Variants in RANBP9 observed in about 807,000 individuals in gnomAD.
RANBP9 encodes RAN binding protein 9.
RANBP9 carries 15 observed loss-of-function variants against 84.3 expected under a neutral mutation model. The ratio of observed to expected loss-of-function variants is 0.18; its 90% CI spans 0.12 to 0.27. RANBP9 has a LOEUF of 0.27. RANBP9 is among the 10% of genes least tolerant of loss of function. RANBP9 has a pLI of 1.00. For synonymous variants in RANBP9, 392 were observed against 349.6 expected (o/e 1.12, Z -1.35); for missense variants, 809 against 912.8 (o/e 0.89, Z 1.46).
Position 13,686,107 on chromosome 6 carries a change from C to G in RANBP9, c.683+10678G>C, listed in dbSNP as rs1361992975. On this transcript the variant is annotated intron_variant, in intron 2 of 13. Coordinates refer to ENST00000011619, the MANE Select transcript of RANBP9 (RefSeq NM_005493.3). Reference sequence around the variant, plus strand: ...TGAATTTCCAAAATTTCTTCCCCCCCCCCCCCCCGCCCCCCGAAATAGAGT... The same window carrying G: ...TGAATTTCCAAAATTTCTTCCCCCCGCCCCCCCCGCCCCCCGAAATAGAGT... Among the ~76,000 whole-genome samples, 7 of 6,664 alleles carry G rather than the reference C, an allele frequency of 1.1e-3. 2 individuals are homozygous for G. Among genetic ancestry groups the G allele is most frequent in the Non-Finnish European group, 1.5e-3 (7 of 4,698 alleles). 4.4% of individuals were successfully genotyped at this position (6,664 alleles called of 152,430 possible).
intron 2 of RANBP9, among the ~76,000 whole-genome samples, chr6:13,693,148 A>G (rs1766367118): frequency 6.6e-6 from 1 of 152,200 alleles, no homozygotes; most frequent in African/African-American, 2.4e-5. Context: ...CTAAACTAGG[A>G]CTTGAAGACC....
chr6:13,686,091 A>G (rs1327823832), intron 2 of RANBP9, among the ~76,000 whole-genome samples: 1 of 88,118 alleles, frequency 1.1e-5, no homozygotes, highest in Non-Finnish European at 2.3e-5. Flanking sequence ...CTGAATTTCC[A>G]AAATTTCTTC....
chr6:13,699,739 G>A (rs866768809), intron 1 of RANBP9, among the ~76,000 whole-genome samples: 11 of 152,140 alleles, frequency 7.2e-5, no homozygotes, highest in South Asian at 2.1e-4. Flanking sequence ...GTGTGCGCCT[G>A]TAATCCCAGC....
chr6:13,684,607 C>G (rs537215433), intron 2 of RANBP9, among the ~76,000 whole-genome samples: 2 of 152,328 alleles, frequency 1.3e-5, no homozygotes, highest in South Asian at 2.1e-4. Flanking sequence ...TTTTAAATCT[C>G]ACAGTTCCTC....
At chr6:13,705,991 A>C (rs1758106846) in intron 1 of RANBP9, among the ~76,000 whole-genome samples, 1 of 152,188 alleles carries the variant, frequency 6.6e-6, no homozygotes, top group African/African-American at 2.4e-5. Context: ...AAATTAGATA[A>C]GCAATTATAT....
intron 1 of RANBP9, among the ~76,000 whole-genome samples, chr6:13,703,734 T>C (rs183995719): frequency 1.5e-4 from 23 of 152,324 alleles, no homozygotes; most frequent in African/African-American, 5.3e-4. Flanking sequence ...AAACTAGTGA[T>C]TGGAGCTGAG....
intron 2 of RANBP9, among the ~76,000 whole-genome samples, chr6:13,680,740 A>G (rs1478431681): frequency 6.6e-6 from 1 of 151,502 alleles, no homozygotes; most frequent in Non-Finnish European, 1.5e-5. Flanking sequence ...TGGGCAACTA[A>G]GTGAGAGTCT....
At position 13,651,394 on chromosome 6, in the gene RANBP9, G is replaced by A. The variant is rs1479608494; in HGVS notation, c.927+1265C>T. Among the ~76,000 whole-genome samples the A allele has an allele frequency of 8.4e-5, 7 of 83,774 alleles. No homozygotes were observed. In the Middle Eastern group the frequency reaches 0.016, roughly 193 times the overall value. The allele number at this position is 83,774 out of a possible 152,430, so 55.0% of individuals were successfully genotyped here. A position where few individuals can be genotyped will look rare whatever the true frequency, so the allele number is the denominator to read the frequency against. ...AGTTTTTTGTTGTTGTTGTTGTTTT[G>A]TTTTTTTGTTTTTTTTTTGAGACAG... On this transcript the variant is annotated intron_variant, in intron 5 of 13. Transcript: ENST00000011619.
intron 1 of RANBP9, 126 bp downstream of exon 1, chr6:13,710,809 C>T: frequency 2.0e-6 from 2 of 1,021,814 alleles, no homozygotes; most frequent in Non-Finnish European, 1.4e-6. Context: ...GCACAACAGG[C>T]GGCGAGTGGC....
At chr6:13,679,220 A>C (rs761801848) in intron 2 of RANBP9, among the ~76,000 whole-genome samples, 6 of 152,210 alleles carry the variant, frequency 3.9e-5, no homozygotes, top group Non-Finnish European at 8.8e-5. Flanking sequence ...ATATACACCA[A>C]GCTGCATCTT....
At position 13,711,768 on chromosome 6, in the gene RANBP9, G is replaced by A. The variant is rs1238446903; in HGVS notation, c.-263C>T. ...CGGGGACGAGGCGCCGAGGGCGGGG[G>A]CGACGCGGGAGCGCGGGAGGGGAAG... On this transcript the variant is annotated 5_prime_UTR_variant, in exon 1 of 14. Coordinates refer to ENST00000011619, the MANE Select transcript of RANBP9 (RefSeq NM_005493.3). Among the ~76,000 whole-genome samples, 1 of 147,208 alleles carries A rather than the reference G, an allele frequency of 6.8e-6. No individual in the cohort carries two copies. Among genetic ancestry groups the A allele is most frequent in the African/African-American group, 2.5e-5 (1 of 40,814 alleles).
intron 1 of RANBP9, among the ~76,000 whole-genome samples, chr6:13,700,278 T>C (rs1164057769): frequency 6.6e-6 from 1 of 152,204 alleles, no homozygotes; most frequent in South Asian, 2.1e-4. Context: ...CTTCTATCAG[T>C]AGCCCTCAAT....
chr6:13,666,477 T>G (rs987009412), intron 2 of RANBP9, among the ~76,000 whole-genome samples: 3 of 151,168 alleles, frequency 2.0e-5, no homozygotes, highest in African/African-American at 7.3e-5. Context: ...ATTAAATTAT[T>G]AAGGAATAGG....
At chr6:13,669,209 G>GA (rs1584933157) in intron 2 of RANBP9, among the ~76,000 whole-genome samples, 1 of 152,088 alleles carries the variant, frequency 6.6e-6, no homozygotes, top group South Asian at 2.1e-4. Flanking sequence ...CGACATTGTT[G>GA]AAAAAATGAA....
intron 2 of RANBP9, among the ~76,000 whole-genome samples, chr6:13,669,704 C>T (rs1765730011): frequency 6.6e-6 from 1 of 152,138 alleles, no homozygotes; most frequent in Admixed American, 6.5e-5. Context: ...ATCCTCACAC[C>T]TCAGCCCCCG....
At position 13,707,251 on chromosome 6, in the gene RANBP9, T is replaced by G. The variant is rs149876697; in HGVS notation, c.571+3684A>C. Among the ~76,000 whole-genome samples the G allele has an allele frequency of 3.8e-3, 571 of 152,176 alleles. 6 individuals carry two copies. The highest frequency in any genetic ancestry group is 0.012 in the African/African-American group (496 of 41,536). The stretch of plus-strand genomic sequence containing the variant: ...CCAGGCTGGTCTAGAACTCTTGGGC[T>G]CAAGCGATCCTTCTACTTTGGCCTC... On this transcript the variant is annotated intron_variant, in intron 1 of 13. Transcript: ENST00000011619.
At chr6:13,699,465 G>C (rs146858713) in intron 1 of RANBP9, among the ~76,000 whole-genome samples, 389 of 152,286 alleles carry the variant, frequency 2.6e-3, no homozygotes, top group African/African-American at 9.1e-3. Context: ...ACATGCTTGG[G>C]ACCAGAAGTG....
chr6:13,694,417 T>C (rs1028908137), intron 2 of RANBP9, among the ~76,000 whole-genome samples: 1 of 152,216 alleles, frequency 6.6e-6, no homozygotes, highest in Non-Finnish European at 1.5e-5. Context: ...ACAAACTATA[T>C]GATTCCATTT....
chr6:13,702,520 A>AT (rs1368944512), intron 1 of RANBP9, among the ~76,000 whole-genome samples: 1 of 152,210 alleles, frequency 6.6e-6, no homozygotes. Flanking sequence ...ATTTTCATTT[A>AT]ATTTATGTCG....
Sources: gnomAD v4.1 joint callset for allele counts (sites outside exome capture counted in the v4.1 genomes callset) on GRCh38, gnomAD v4.1.1 for gene constraint, MANE v1.5 for transcripts, NCBI Gene and HGNC (gene_info 2026-07-23, HGNC 2026-07-21) for gene names.